The following CDH17 variants were observed in gnomAD, a reference collection of about 807,000 sequenced individuals.
CDH17 encodes the protein cadherin 17, also known as cadherin-17.
A neutral mutation model predicts 86.3 loss-of-function variants in CDH17; 67 were observed. The ratio of observed to expected loss-of-function variants is 0.78; its 90% CI spans 0.64 to 0.95. The LOEUF (loss-of-function observed/expected upper bound fraction) is 0.95. CDH17 is among the 40% of genes least tolerant of loss of function. CDH17 has a pLI of 0.00. For synonymous variants in CDH17, 367 were observed against 366.4 expected (o/e 1.00, Z -0.02); for missense variants, 993 against 1,017.6 (o/e 0.98, Z 0.33).
chr8:94,157,923 T>C (rs1281562390), intron 12 of CDH17, among the ~76,000 whole-genome samples: 1 of 152,154 alleles, frequency 6.6e-6, no homozygotes, highest in Non-Finnish European at 1.5e-5. Flanking sequence ...ACGAGTATAG[T>C]GTATCCCTTA....
At chr8:94,135,562 G>C (rs1026043771) in intron 15 of CDH17, among the ~76,000 whole-genome samples, 1 of 152,144 alleles carries the variant, frequency 6.6e-6, no homozygotes, top group Non-Finnish European at 1.5e-5. Flanking sequence ...CTGCACGTGA[G>C]ATGGGTCTCC....
At chr8:94,163,201 G>T (rs921722973) in intron 10 of CDH17, among the ~76,000 whole-genome samples, 2 of 152,234 alleles carry the variant, frequency 1.3e-5, no homozygotes, top group African/African-American at 4.8e-5. Flanking sequence ...AGATGAGGAA[G>T]CCAGGGAATA....
At chr8:94,145,262 G>A (rs1812718269) in intron 15 of CDH17, among the ~76,000 whole-genome samples, 1 of 152,048 alleles carries the variant, frequency 6.6e-6, no homozygotes. Flanking sequence ...AGGTGAACAG[G>A]TATAGTCATT....
At position 94,148,809 on chromosome 8, in the gene CDH17, C is replaced by A; in HGVS notation, c.1862G>T (p.Ser621Ile). The A allele has an allele frequency of 6.3e-7, 1 of 1,598,572 alleles. No individual in the cohort carries two copies. The highest frequency in any genetic ancestry group is 8.5e-7 in the Non-Finnish European group (1 of 1,172,750). The change falls in exon 14 of 18, where the codon AGT (serine) becomes ATT (isoleucine). Residue 621 changes from serine to isoleucine, a missense_variant. By Grantham distance (142) the Ser-to-Ile change is moderately radical (BLOSUM62 -2). Coordinates refer to ENST00000027335, the MANE Select transcript of CDH17 (RefSeq NM_004063.4). Reference sequence around the variant, plus strand: ...GGCTTCTCTGTCCAATGGAGCCACACTAAAGATCTCACCAGTCACGTGGTC... The same window carrying A: ...GGCTTCTCTGTCCAATGGAGCCACAATAAAGATCTCACCAGTCACGTGGTC... ...KIDHVTGEIF[S>I]VAPLDREAGS...
chr8:94,173,291 C>G (rs1813304334), intron 7 of CDH17, among the ~76,000 whole-genome samples: 2 of 152,116 alleles, frequency 1.3e-5, no homozygotes, highest in African/African-American at 4.8e-5. Flanking sequence ...GGGCAGATCC[C>G]TCGTGAATGG....
At chr8:94,163,463 G>A (rs1019339273) in intron 10 of CDH17, among the ~76,000 whole-genome samples, 7 of 152,300 alleles carry the variant, frequency 4.6e-5, no homozygotes, top group South Asian at 2.1e-4. Context: ...GGGGTGTCAC[G>A]CCCCCGTTGC....
intron 7 of CDH17, among the ~76,000 whole-genome samples, chr8:94,171,831 G>A (rs1043192804): frequency 3.3e-5 from 5 of 152,074 alleles, no homozygotes; most frequent in African/African-American, 1.2e-4. Context: ...AGAGCAGCCT[G>A]GGAAGATATC....
intron 15 of CDH17, among the ~76,000 whole-genome samples, chr8:94,142,900 C>T (rs535497387): frequency 2.0e-5 from 3 of 152,138 alleles, no homozygotes; most frequent in Non-Finnish European, 2.9e-5. Flanking sequence ...AGTGATTCCT[C>T]CACTGAAGTC....
At chr8:94,144,957 A>G (rs1177695048) in intron 15 of CDH17, among the ~76,000 whole-genome samples, 2 of 152,208 alleles carry the variant, frequency 1.3e-5, no homozygotes, top group Admixed American at 1.3e-4. Flanking sequence ...ATTATGAGAT[A>G]CTACTCCACT....
chr8:94,176,796 G>T, intron 4 of CDH17, 117 bp from the exon 5 acceptor site: 3 of 1,063,822 alleles, frequency 2.8e-6, no homozygotes, highest in Non-Finnish European at 4.0e-6. Flanking sequence ...CTGTAGGAGA[G>T]AAAGAACTCA....
chr8:94,150,418 T>C (rs892821982), intron 13 of CDH17, among the ~76,000 whole-genome samples: 4 of 152,192 alleles, frequency 2.6e-5, no homozygotes, highest in Non-Finnish European at 5.9e-5. Context: ...TCTATAATAT[T>C]TGCTGAAGGA....
intron 1 of CDH17, among the ~76,000 whole-genome samples, chr8:94,199,040 T>G (rs1299306354): frequency 1.3e-4 from 3 of 23,952 alleles, no homozygotes; most frequent in South Asian, 1.6e-3. Flanking sequence ...TTCTGATTGA[T>G]ATATATATAT....
chr8:94,150,159 G>A (rs1586243233), intron 13 of CDH17, among the ~76,000 whole-genome samples: 2 of 152,278 alleles, frequency 1.3e-5, no homozygotes, highest in Admixed American at 6.5e-5. Flanking sequence ...TGGGTAATGA[G>A]TATGAAACCC....
chr8:94,214,170 C>T (rs1289779929), intron 1 of CDH17, among the ~76,000 whole-genome samples: 1 of 152,068 alleles, frequency 6.6e-6, no homozygotes, highest in African/African-American at 2.4e-5. Flanking sequence ...GAACACTACC[C>T]CTTCATGTTA....
Position 94,145,964 on chromosome 8 carries a change from T to C in CDH17, c.2131A>G (p.Ser711Gly), listed in dbSNP as rs772290425. The C allele has an allele frequency of 2.0e-5, 32 of 1,613,542 alleles. No homozygotes were observed. The highest frequency in any genetic ancestry group is 2.4e-5 in the Non-Finnish European group (28 of 1,179,844). The stretch of plus-strand genomic sequence containing the variant: ...GAAACTTCCCAGTCGTTTTGTAAGC[T>C]TCCACTGCCGAGGGAAAATGTAAAA... The part of the protein sequence containing the change: ...PHFTFSLGSG[S>G]LQNDWEVSKI... The change falls in exon 15 of 18, where the codon AGC becomes GGC. Residue 711 changes from serine to glycine, a missense_variant. Ser to Gly is a moderately conservative substitution (Grantham distance 56). Coordinates refer to ENST00000027335, the MANE Select transcript of CDH17 (RefSeq NM_004063.4).
rs1218348668 is a variant in CDH17, at chr8:94,132,226, G to C, written c.2168-1234C>G. On this transcript the variant is annotated intron_variant, in intron 15 of 17. Coordinates refer to ENST00000027335, the MANE Select transcript of CDH17 (RefSeq NM_004063.4). The stretch of plus-strand genomic sequence containing the variant: ...AATTGCTGGGTCAAATGGTCTTTCA[G>C]GTTCTGTATCCTTGAGGAATCACCA... Among the ~76,000 whole-genome samples, 3 of 152,216 alleles carry C rather than the reference G, an allele frequency of 2.0e-5. No homozygotes were observed. In the East Asian group the frequency reaches 5.8e-4, roughly 29 times the overall value.
intron 3 of CDH17, among the ~76,000 whole-genome samples, chr8:94,180,277 A>G (rs1813452655): frequency 6.6e-6 from 1 of 152,056 alleles, no homozygotes; most frequent in Admixed American, 6.5e-5. Flanking sequence ...ATAGATTCCC[A>G]GAGACCAGTG....
intron 3 of CDH17, 122 bp from the exon 4 acceptor site, chr8:94,177,843 A>G: frequency 2.2e-6 from 2 of 905,926 alleles, no homozygotes; most frequent in Non-Finnish European, 3.3e-6. Flanking sequence ...AGAAATCCTC[A>G]ACTTTTAAAG....
chr8:94,190,819 A>G (rs1813673951), intron 2 of CDH17, among the ~76,000 whole-genome samples: 2 of 152,344 alleles, frequency 1.3e-5, no homozygotes, highest in African/African-American at 4.8e-5. Flanking sequence ...TCAATATGCC[A>G]GTGATCAGAG....
Sources: gnomAD v4.1 joint callset for allele counts (sites outside exome capture counted in the v4.1 genomes callset) on GRCh38, gnomAD v4.1.1 for gene constraint, MANE v1.5 for transcripts, NCBI Gene and HGNC (gene_info 2026-07-23, HGNC 2026-07-21) for gene names.